PPT1: variants seen among roughly 807,000 people sequenced by gnomAD.
PPT1 encodes ceroid-palmitoyl-palmitoyl-protein thioesterase 1.
In PPT1, 24 loss-of-function variants were observed where a neutral mutation model predicts 44.0. The observed-to-expected ratio is 0.54, with a 90% CI of 0.39 to 0.77. The LOEUF is 0.77. Among genes scored for constraint, PPT1 ranks in the 30% least tolerant of loss-of-function variants. The pLI is 0.00. For synonymous variants in PPT1, 148 were observed against 140.2 expected (o/e 1.06, Z -0.39); for missense variants, 341 against 378.8 (o/e 0.90, Z 0.83).
At chr1:40,091,618 C>G (rs777008556) in intron 3 of PPT1, among the ~76,000 whole-genome samples, 12 of 152,134 alleles carry the variant, frequency 7.9e-5, no homozygotes, top group Non-Finnish European at 1.6e-4. Context: ...AATCTCAGCA[C>G]TTTGGGAGGC....
At chr1:40,074,294 T>A in intron 8 of PPT1, 111 bp from the exon 9 acceptor site, 3 of 1,365,372 alleles carry the variant, frequency 2.2e-6, no homozygotes, top group Non-Finnish European at 3.1e-6. Flanking sequence ...TCCTGAGTAT[T>A]AAAATTGAGG....
In PPT1 at chr1:40,078,669, GGCCA is replaced by G. The variant is rs1421111750; in HGVS notation, c.628-15_628-12del. ...GGACTCATTGATACCCTGAAAGAAAGGCCAGCAACACCTAAGGTCATTACCATCA... is the reference window on the plus strand; with the variant it reads ...GGACTCATTGATACCCTGAAAGAAAGGCAACACCTAAGGTCATTACCATCA... On this transcript the variant is annotated splice_polypyrimidine_tract_variant and intron_variant, in intron 6 of 8. Coordinates refer to ENST00000642050, the MANE Select transcript of PPT1 (RefSeq NM_000310.4). 1.9e-6 allele frequency: 3 copies of G among 1,603,814 alleles called. No homozygotes were observed. In the African/African-American group the frequency reaches 4.0e-5, roughly 21 times the overall value.
At chr1:40,074,764 C>T (rs1371368280) in intron 8 of PPT1, among the ~76,000 whole-genome samples, 4 of 151,878 alleles carry the variant, frequency 2.6e-5, no homozygotes, top group Non-Finnish European at 5.9e-5. Context: ...CCACCACACC[C>T]GGCCAGTTTT....
At chr1:40,076,342 G>A (rs1648628502) in intron 8 of PPT1, among the ~76,000 whole-genome samples, 1 of 152,092 alleles carries the variant, frequency 6.6e-6, no homozygotes, top group Non-Finnish European at 1.5e-5. Context: ...GCACACACCT[G>A]TAATCCCAGC....
At chr1:40,092,228 T>C in intron 2 of PPT1, 56 bp from the exon 3 acceptor site, 1 of 1,609,842 alleles carries the variant, frequency 6.2e-7, no homozygotes, top group South Asian at 1.1e-5. Flanking sequence ...ACCACTGACA[T>C]CTTCTCTAAG....
rs866642004 is a variant in PPT1 at position 40,074,006 on chromosome 1, A to G, written c.*55T>C. 89 of 1,610,224 alleles carry G rather than the reference A, an allele frequency of 5.5e-5. 1 individual carries two copies. The Middle Eastern group carries it at 1.8e-3, about 33-fold the overall frequency. ...TTGGGCATGAAGGAAACTGTCTCCC[A>G]TGTGGTTTGGAAGAGTTAGGGGCTC... On this transcript the variant is annotated 3_prime_UTR_variant, in exon 9 of 9. Transcript: ENST00000642050.
intron 5 of PPT1, among the ~76,000 whole-genome samples, chr1:40,083,806 G>A (rs1464308195): frequency 2.0e-5 from 3 of 152,150 alleles, no homozygotes; most frequent in Admixed American, 2.0e-4. Context: ...TGCACTTTGG[G>A]AGGGTGAGGA....
intron 5 of PPT1, among the ~76,000 whole-genome samples, chr1:40,085,943 T>C (rs1649234448): frequency 6.6e-6 from 1 of 152,194 alleles, no homozygotes; most frequent in Non-Finnish European, 1.5e-5. Context: ...TGAGAGAGCC[T>C]GAGTAGATGC....
At chr1:40,075,305 C>A (rs1182246943) in intron 8 of PPT1, 1 of 152,100 alleles carries the variant, frequency 6.6e-6, no homozygotes, top group Admixed American at 6.5e-5. Flanking sequence ...AAACCCTGGA[C>A]ACTTTCATAT....
chr1:40,080,909 C>A (rs1001333349), intron 5 of PPT1, among the ~76,000 whole-genome samples: 2 of 152,062 alleles, frequency 1.3e-5, no homozygotes, highest in African/African-American at 4.8e-5. Flanking sequence ...CCCTCAAGTC[C>A]CAGGCCTTAC....
intron 5 of PPT1, among the ~76,000 whole-genome samples, chr1:40,085,094 C>G (rs764040195): frequency 6.6e-6 from 1 of 151,676 alleles, no homozygotes; most frequent in Non-Finnish European, 1.5e-5. Flanking sequence ...TGCAGTTATC[C>G]GGAGGCCCAA....
chr1:40,092,195 G>A (rs370654408), intron 2 of PPT1, 23 bp from the exon 3 acceptor site: 21 of 1,613,958 alleles, frequency 1.3e-5, no homozygotes, highest in Non-Finnish European at 1.7e-5. Context: ...CCAGAGAGAA[G>A]TGAGAGGATG....
chr1:40,091,260 A>ATT, intron 4 of PPT1, 69 bp downstream of exon 4: 1 of 1,450,124 alleles, frequency 6.9e-7, no homozygotes, highest in Non-Finnish European at 9.6e-7. Context: ...TAGTTCCTAG[A>ATT]TTTTTTTTTA....
intron 4 of PPT1, among the ~76,000 whole-genome samples, chr1:40,090,857 T>C (rs1268909393): frequency 2.6e-5 from 4 of 152,210 alleles, no homozygotes; most frequent in Non-Finnish European, 5.9e-5. Flanking sequence ...ACAACAGAGA[T>C]GAAATTCCAT....
chr1:40,074,333 TCTC>T (rs1162795861), intron 8 of PPT1, 150 bp from the exon 9 acceptor site: 31 of 898,598 alleles, frequency 3.4e-5, no homozygotes, highest in Non-Finnish European at 4.8e-5. Context: ...AAAAAGAATA[TCTC>T]CTACTTCTTT....
chr1:40,076,814 C>T, intron 8 of PPT1, 28 bp downstream of exon 8: 1 of 1,613,898 alleles, frequency 6.2e-7, no homozygotes, highest in Non-Finnish European at 8.5e-7. Context: ...AAACACCAAC[C>T]TCCCAAGATA....
At chr1:40,076,442 G>A (rs1284356790) in intron 8 of PPT1, among the ~76,000 whole-genome samples, 1 of 152,152 alleles carries the variant, frequency 6.6e-6, no homozygotes, top group Non-Finnish European at 1.5e-5. Context: ...TCCAGCCTGG[G>A]TGACAGAGCG....
intron 1 of PPT1, among the ~76,000 whole-genome samples, chr1:40,093,432 A>AAGAG (rs60844058): frequency 0.81 from 123,791 of 151,928 alleles, 51,234 homozygotes; most frequent in Non-Finnish European, 0.89. Flanking sequence ...GGTGTTGAAA[A>AAGAG]AGAAGTGTTA....
In PPT1 at chr1:40,092,102, T is replaced by A; in HGVS notation, c.305A>T (p.Asp102Val). Residue 102 changes from aspartate to valine, a missense_variant, in exon 3 of 9, where the codon GAT (aspartate) becomes GTT (valine). Physicochemically the swap from Asp to Val is radical, Grantham distance 152. Transcript: ENST00000642050. Reference protein sequence around the residue: ...VTTVCQALAKDPKLQQGYNAM... With the variant: ...VTTVCQALAKVPKLQQGYNAM... The stretch of plus-strand genomic sequence containing the variant: ...ATTGTAGCCTTGCTGCAATTTAGGA[T>A]CCTTAGCAAGTGCCTGACACACTGT... The A allele has an allele frequency of 6.2e-7, 1 of 1,614,142 alleles. No homozygotes were observed. The highest frequency in any genetic ancestry group is 8.5e-7 in the Non-Finnish European group (1 of 1,179,990).
Sources: gnomAD v4.1 joint callset for allele counts (sites outside exome capture counted in the v4.1 genomes callset) on GRCh38, gnomAD v4.1.1 for gene constraint, MANE v1.5 for transcripts, NCBI Gene and HGNC (gene_info 2026-07-23, HGNC 2026-07-21) for gene names.